DRGX: variants seen among roughly 807,000 people sequenced by gnomAD.
DRGX encodes dorsal root ganglia homeobox, also known as dorsal root ganglia homeobox protein.
A neutral mutation model predicts 28.6 loss-of-function variants in DRGX; 21 were observed. The ratio of observed to expected loss-of-function variants is 0.73; its 90% CI spans 0.52 to 1.06. DRGX has a LOEUF of 1.06. DRGX is among the 50% of genes least tolerant of loss of function. DRGX has a pLI of 0.00. For synonymous variants in DRGX, 136 were observed against 139.1 expected, an observed-to-expected ratio of 0.98 and a Z score of 0.16; for missense variants, 354 against 343.9, an observed-to-expected ratio of 1.03 and a Z score of -0.23.
chr10:49,392,058 T>C (rs1362575699), intron 2 of DRGX, among the ~76,000 whole-genome samples: 1 of 152,242 alleles, frequency 6.6e-6, no homozygotes, highest in Non-Finnish European at 1.5e-5. Flanking sequence ...AAGCTCGTTA[T>C]AAACGCAGAA....
intron 2 of DRGX, among the ~76,000 whole-genome samples, chr10:49,395,169 C>A (rs1158069421): frequency 6.6e-6 from 1 of 152,212 alleles, no homozygotes; most frequent in Admixed American, 6.5e-5. Context: ...GCACGCCTAG[C>A]CCGGGGCGTC....
Position 49,366,081 on chromosome 10 carries a change from G to A in DRGX, c.*35C>T, listed in dbSNP as rs138046893. On this transcript the variant is annotated 3_prime_UTR_variant, in exon 7 of 7. Coordinates refer to ENST00000374139, the MANE Select transcript of DRGX (RefSeq NM_001276451.2). ...GGCTGAGGCTGGGAGAAGGAGGGGC[G>A]GGGGAGGGCAGGCCGGGCGGGGCAC... 71 of 1,511,374 alleles carry A rather than the reference G, an allele frequency of 4.7e-5. No homozygotes were observed. Among genetic ancestry groups the A allele is most frequent in the Admixed American group, 1.9e-4 (9 of 47,898 alleles). 93.6% of individuals were successfully genotyped at this position (1,511,374 alleles called of 1,614,324 possible).
At position 49,371,341 on chromosome 10, in the gene DRGX, C is replaced by T. The variant is rs77162669; in HGVS notation, c.527-4960G>A. Among the ~76,000 whole-genome samples, 543 of 152,304 alleles carry T rather than the reference C, an allele frequency of 3.6e-3. 3 individuals carry two copies. Among genetic ancestry groups the T allele is most frequent in the African/African-American group, 0.013 (530 of 41,562 alleles). On this transcript the variant is annotated intron_variant, in intron 6 of 6. Transcript: ENST00000374139. ...AAAATCCAGACCCAAAGCTCATGCA[C>T]TTTGGCCATGAAACGTGTGCTCAAG...
Position 49,396,068 on chromosome 10 carries a change from T to C in DRGX, c.-215A>G, listed in dbSNP as rs530261881. Reference sequence around the variant, plus strand: ...AGAAGTGACTCGGGAAGTGGCCAGATGTCTTGCTGTCTGTCTGCAGCGCGC... The same window carrying C: ...AGAAGTGACTCGGGAAGTGGCCAGACGTCTTGCTGTCTGTCTGCAGCGCGC... On this transcript the variant is annotated 5_prime_UTR_variant, in exon 1 of 7. Coordinates refer to ENST00000374139, the MANE Select transcript of DRGX (RefSeq NM_001276451.2). 3.4e-4 allele frequency: 52 copies of C among 152,832 alleles called. 1 individual carries two copies. Among genetic ancestry groups the C allele is most frequent in the Non-Finnish European group, 5.5e-4 (38 of 68,522 alleles). The allele number at this position is 152,832 out of a possible 1,614,324, so 9.5% of individuals were successfully genotyped here.
At position 49,364,391 on chromosome 10, in the gene DRGX, A is replaced by G. The variant is rs1433383542; in HGVS notation, c.*1725T>C. Reference sequence around the variant, plus strand: ...AAAAGTAATTTCCTGAAAGTCCTCAAGGACACAAAATTTAATCAGCATAAC... The same window carrying G: ...AAAAGTAATTTCCTGAAAGTCCTCAGGGACACAAAATTTAATCAGCATAAC... On this transcript the variant is annotated 3_prime_UTR_variant, in exon 7 of 7. Coordinates refer to ENST00000374139, the MANE Select transcript of DRGX (RefSeq NM_001276451.2). 6.6e-6 allele frequency: 1 copy of G among 152,248 alleles called. No individual in the cohort carries two copies. Among genetic ancestry groups the G allele is most frequent in the Non-Finnish European group, 1.5e-5 (1 of 68,046 alleles). 9.4% of individuals were successfully genotyped at this position (152,248 alleles called of 1,614,324 possible). A position where few individuals can be genotyped will look rare whatever the true frequency, so the allele number is the denominator to read the frequency against.
At chr10:49,377,336 G>A (rs1849727426) in intron 6 of DRGX, among the ~76,000 whole-genome samples, 1 of 152,210 alleles carries the variant, frequency 6.6e-6, no homozygotes, top group Non-Finnish European at 1.5e-5. Context: ...AGTACGGGTG[G>A]TCAACAACAA....
At chr10:49,366,563 T>C (rs1276466290) in intron 6 of DRGX, among the ~76,000 whole-genome samples, 182 bp from the exon 7 acceptor site, 3 of 152,232 alleles carry the variant, frequency 2.0e-5, no homozygotes, top group African/African-American at 7.2e-5. Flanking sequence ...ACCTAGTTAA[T>C]CGTTCAAAGG....
Position 49,391,153 on chromosome 10 carries a change from A to G in DRGX, c.132+11T>C, listed in dbSNP as rs1487762904. ...GTAGCTGATGTTTGAAAGGAGAATC[A>G]ACGTTGGTACCTGCTGAAGAGTGAA... is the stretch of plus-strand genomic sequence containing the variant. On this transcript the variant is annotated intron_variant, in intron 3 of 6. Coordinates refer to ENST00000374139, the MANE Select transcript of DRGX (RefSeq NM_001276451.2). The G allele has an allele frequency of 8.1e-6, 13 of 1,613,308 alleles. No individual in the cohort carries two copies. The highest frequency in any genetic ancestry group is 1.6e-4 in the Middle Eastern group (1 of 6,084).
At chr10:49,366,453 G>T in intron 6 of DRGX, 72 bp from the exon 7 acceptor site, 2 of 1,518,478 alleles carry the variant, frequency 1.3e-6, no homozygotes, top group South Asian at 2.6e-5. Context: ...GACAGGAAAC[G>T]ATCTGAGTTC....
chr10:49,365,349 A>G lies in DRGX; in HGVS notation c.*767T>C. On this transcript the variant is annotated 3_prime_UTR_variant, in exon 7 of 7. Coordinates refer to ENST00000374139, the MANE Select transcript of DRGX (RefSeq NM_001276451.2). ...CAATCCACAGGTCTATCTGGGAGAG[A>G]GGAAGGGCTTGCAGGTGAGTGCTTC... is the stretch of plus-strand genomic sequence containing the variant. 1 of 152,364 alleles carries G rather than the reference A, an allele frequency of 6.6e-6. No individual in the cohort carries two copies. The highest frequency in any genetic ancestry group is 1.5e-5 in the Non-Finnish European group (1 of 68,112). The allele number at this position is 152,364 out of a possible 1,614,324, so 9.4% of individuals were successfully genotyped here.
chr10:49,383,341 A>C (rs1388232210), intron 6 of DRGX, among the ~76,000 whole-genome samples: 1 of 152,212 alleles, frequency 6.6e-6, no homozygotes, highest in Non-Finnish European at 1.5e-5. Flanking sequence ...TTGGAGATTT[A>C]AAAGCCACTG....
At chr10:49,391,886 A>G (rs1177894682) in intron 2 of DRGX, 1 of 515,344 alleles carries the variant, frequency 1.9e-6, no homozygotes, top group African/African-American at 1.9e-5. Flanking sequence ...ATAGATGTCA[A>G]TTAACAAGAG....
At chr10:49,381,732 G>A (rs1336067214) in intron 6 of DRGX, among the ~76,000 whole-genome samples, 1 of 152,200 alleles carries the variant, frequency 6.6e-6, no homozygotes. Flanking sequence ...CTGGGGGCTG[G>A]TGCAGCACAG....
At chr10:49,385,805 C>T (rs1451492947) in intron 6 of DRGX, among the ~76,000 whole-genome samples, 1 of 152,082 alleles carries the variant, frequency 6.6e-6, no homozygotes, top group East Asian at 1.9e-4. Flanking sequence ...CGCTGGGGCC[C>T]AGCTCTGTTC....
intron 6 of DRGX, among the ~76,000 whole-genome samples, chr10:49,384,048 G>T (rs1448000987): frequency 6.6e-6 from 1 of 152,216 alleles, no homozygotes; most frequent in Non-Finnish European, 1.5e-5. Flanking sequence ...CTTTGAGTGG[G>T]CAAAGGTGCC....
intron 4 of DRGX, among the ~76,000 whole-genome samples, chr10:49,388,606 G>A (rs748468085): frequency 6.6e-6 from 1 of 152,206 alleles, no homozygotes; most frequent in East Asian, 1.9e-4. Flanking sequence ...TTGAATGAAG[G>A]TCACAGCTAT....
intron 6 of DRGX, among the ~76,000 whole-genome samples, chr10:49,369,877 G>A (rs1170155417): frequency 6.6e-6 from 1 of 151,864 alleles, no homozygotes; most frequent in African/African-American, 2.4e-5. Context: ...TATGGCTCCT[G>A]CAGTGAGCAA....
intron 4 of DRGX, 59 bp downstream of exon 4, chr10:49,390,074 C>CAA: frequency 6.6e-7 from 1 of 1,506,138 alleles, no homozygotes; most frequent in East Asian, 2.5e-5. Flanking sequence ...GTCATGATGT[C>CAA]AAAAAAAAGT....
In DRGX at chr10:49,386,497, G is replaced by C. The variant is rs188198595; in HGVS notation, c.507C>G (p.Ser169=). 2.5e-6 allele frequency: 4 copies of C among 1,580,048 alleles called. No homozygotes were observed. The East Asian group carries it at 9.3e-5, about 37-fold the overall frequency. ...LNTATYAQAL[S]HVASLKGGPL... is the part of the protein sequence containing the mutation. The stretch of plus-strand genomic sequence containing the variant: ...ACTCACCTTTGAGGGAAGCCACATG[G>C]GACAAGGCCTGGGCGTAGGTGGCCG... The change falls in exon 6 of 7, where the codon TCC becomes TCG. Residue 169 remains serine (S), a synonymous_variant. Transcript: ENST00000374139.
Sources: allele counts gnomAD v4.1 joint callset (sites outside exome capture counted in the v4.1 genomes callset), GRCh38; gene constraint gnomAD v4.1.1; transcripts MANE v1.5; gene names NCBI Gene and HGNC (gene_info 2026-07-23, HGNC 2026-07-21).